Variants in TCOF1 observed in about 807,000 individuals in gnomAD.
The protein encoded by TCOF1 is treacle ribosome biogenesis factor 1.
In TCOF1, 33 loss-of-function variants were observed where a neutral mutation model predicts 149.0. The observed-to-expected ratio is 0.22, with a 90% CI of 0.17 to 0.30. TCOF1 has a LOEUF of 0.30. TCOF1 is among the 10% of genes least tolerant of loss of function. The pLI, the probability that TCOF1 is intolerant of heterozygous loss-of-function variation, is 1.00. For missense variants in TCOF1, 1,728 were observed against 1,840.7 expected (o/e 0.94, Z 1.12); for synonymous variants, 789 against 738.8 (o/e 1.07, Z -1.10).
At chr5:150,383,840 A>G (rs1765735633) in intron 17 of TCOF1, 2 of 1,551,282 alleles carry the variant, frequency 1.3e-6, no homozygotes, top group Non-Finnish European at 1.7e-6. Flanking sequence ...CTTAAGCCAC[A>G]GTCCTGCTCA....
chr5:150,375,587 TC>T (rs113817143), intron 11 of TCOF1, 33 bp downstream of exon 11: 3 of 1,613,070 alleles, frequency 1.9e-6, no homozygotes, highest in Non-Finnish European at 1.7e-6. Context: ...TCTTTCTTTT[TC>T]CCCCCCACTC....
chr5:150,392,177 G>GACT lies in TCOF1; in HGVS notation c.3517+1_3517+2insACT. The stretch of plus-strand genomic sequence containing the variant: ...GGGGCCAAGTCAGCCCACACGCTGG[G>GACT]TGAGGGTGCCAGGGGAAAGGCAAGG... On this transcript the variant is annotated splice_donor_variant, in intron 21 of 26. Transcript: ENST00000643257. LOFTEE classifies it high-confidence loss of function. 3.7e-6 allele frequency: 6 copies of GACT among 1,613,382 alleles called. No homozygotes were observed. Among genetic ancestry groups the GACT allele is most frequent in the Non-Finnish European group, 5.1e-6 (6 of 1,179,486 alleles).
rs1373531019 is a variant in TCOF1, at chr5:150,364,141, G to A, written c.193G>A (p.Ala65Thr). 1 of 1,614,152 alleles carries A rather than the reference G, an allele frequency of 6.2e-7. No homozygotes were observed. Among genetic ancestry groups the A allele is most frequent in the Admixed American group, 1.7e-5 (1 of 60,020 alleles). The change falls in exon 3 of 27, where the codon GCA becomes ACA. Residue 65 changes from alanine to threonine, a missense_variant. Ala to Thr is a moderately conservative substitution (Grantham distance 58). Around this residue, in one of 2 missense-constraint regions of TCOF1, gnomAD observed 1,696 missense variants for 1,765.4 expected, o/e 0.96. Transcript: ENST00000643257. ...CTCAGAGCTTGGTCGGAAGCGGAAG[G>A]CAGAGGAAGATGCGGCACTGCAAGC... ...QTSELGRKRK[A>T]EEDAALQAKK...
intron 4 of TCOF1, chr5:150,368,453 G>A: frequency 1.9e-6 from 1 of 527,566 alleles, no homozygotes; most frequent in South Asian, 2.2e-5. Flanking sequence ...ATGAAGTAAT[G>A]ATAAGATCAA....
In TCOF1 at chr5:150,400,054, T is replaced by A. The variant is rs568821837; in HGVS notation, c.*267T>A. The stretch of plus-strand genomic sequence containing the variant: ...GGACGCTTCATATAGATGTGTACAG[T>A]ATATGTATTTTTTTAAGTGACCTCC... On this transcript the variant is annotated 3_prime_UTR_variant, in exon 27 of 27. Transcript: ENST00000643257. The A allele has an allele frequency of 6.6e-6, 1 of 152,158 alleles. No homozygotes were observed. Among genetic ancestry groups the A allele is most frequent in the African/African-American group, 2.4e-5 (1 of 41,452 alleles). The allele number at this position is 152,158 out of a possible 1,614,324, so 9.4% of individuals were successfully genotyped here.
In TCOF1 at chr5:150,375,724, A is replaced by G. The variant is rs762339373; in HGVS notation, c.1708A>G (p.Lys570Glu). The G allele has an allele frequency of 6.2e-6, 10 of 1,614,146 alleles. No individual in the cohort carries two copies. The highest frequency in any genetic ancestry group is 2.2e-5 in the East Asian group (1 of 44,888). The part of the protein sequence containing the change: ...VPTAVAPAQE[K>E]SLGNILQAKP... ...GATCCTGTGTATCTCACTCCAGGAA[A>G]AGTCCTTGGGGAACATCCTCCAGGC... Residue 570 changes from lysine to glutamate, a missense_variant, in exon 12 of 27, where the codon AAG (lysine) becomes GAG (glutamate). Lys to Glu is a moderately conservative substitution (Grantham distance 56). Coordinates refer to ENST00000643257, the MANE Select transcript of TCOF1 (RefSeq NM_001371623.1).
rs869238792 is a variant in TCOF1, at chr5:150,360,732, CT to C, written c.109-403del. On this transcript the variant is annotated intron_variant, in intron 1 of 26. Transcript: ENST00000643257. ...ATACTTCCCAGAGCAAAAAGACCCT[CT>C]TTTTTTTTTTTTTTTTTTTTAAAGA... 7.6e-3 allele frequency among the ~76,000 whole-genome samples: 974 copies of C among 127,388 alleles called. 4 individuals are homozygous for C. Among genetic ancestry groups the C allele is most frequent in the African/African-American group, 0.017 (590 of 34,432 alleles). 83.6% of individuals were successfully genotyped at this position (127,388 alleles called of 152,430 possible). A position where few individuals can be genotyped will look rare whatever the true frequency, so the allele number is the denominator to read the frequency against.
rs1484507363 is a variant in TCOF1, at chr5:150,374,269, G to T, written c.966G>T (p.Lys322Asn). 6.2e-7 allele frequency: 1 copy of T among 1,603,350 alleles called. No individual in the cohort carries two copies. The highest frequency in any genetic ancestry group is 8.5e-7 in the Non-Finnish European group (1 of 1,174,598). ...GGGCTACCCCAGCACCCCCTGGGAA[G>T]GCAGGGGCTGTAGCCTCCCAGACCA... ...GKGATPAPPG[K>N]AGAVASQTKA... Residue 322 changes from lysine to asparagine, a missense_variant, in exon 8 of 27, where the codon AAG becomes AAT. Coordinates refer to ENST00000643257, the MANE Select transcript of TCOF1 (RefSeq NM_001371623.1).
At chr5:150,391,437 G>T in intron 19 of TCOF1, 107 bp from the exon 20 acceptor site, 1 of 985,744 alleles carries the variant, frequency 1.0e-6, no homozygotes, top group African/African-American at 1.6e-5. Flanking sequence ...CTGCCCCTCA[G>T]TCCCTGCTCC....
Position 150,374,252 on chromosome 5 carries a change from C to T in TCOF1, c.949C>T (p.Pro317Ser). 6.2e-7 allele frequency: 1 copy of T among 1,609,362 alleles called. No individual in the cohort carries two copies. The highest frequency in any genetic ancestry group is 1.3e-5 in the African/African-American group (1 of 74,816). Residue 317 changes from proline to serine, a missense_variant, in exon 8 of 27, where the codon CCA (proline) becomes TCA (serine). Physicochemically the swap from Pro to Ser is moderately conservative, Grantham distance 74. Transcript: ENST00000643257. ...GGGGACCCCTGGGAAAGGGGCTACCCCAGCACCCCCTGGGAAGGCAGGGGC... is the reference window on the plus strand; with the variant it reads ...GGGGACCCCTGGGAAAGGGGCTACCTCAGCACCCCCTGGGAAGGCAGGGGC... Reference protein sequence around the residue: ...AKGTPGKGATPAPPGKAGAVA... With the variant: ...AKGTPGKGATSAPPGKAGAVA...
intron 1 of TCOF1, among the ~76,000 whole-genome samples, chr5:150,359,156 G>C (rs1212013575): frequency 1.3e-5 from 2 of 152,154 alleles, no homozygotes; most frequent in Admixed American, 6.5e-5. Flanking sequence ...AAACCAGCCT[G>C]ACCGACATGG....
chr5:150,357,734 G>C lies in TCOF1; in HGVS notation c.-13G>C. ...GGGGCGTGCAGGTAGCCGGCCGGCC[G>C]GGGGTCGCGGGTATGGCCGAGGCCA... On this transcript the variant is annotated 5_prime_UTR_variant, in exon 1 of 27. Coordinates refer to ENST00000643257, the MANE Select transcript of TCOF1 (RefSeq NM_001371623.1). The C allele has an allele frequency of 3.9e-6, 6 of 1,546,984 alleles. No individual in the cohort carries two copies. The highest frequency in any genetic ancestry group is 5.2e-6 in the Non-Finnish European group (6 of 1,145,672).
Position 150,398,356 on chromosome 5 carries a change from A to G in TCOF1, c.4348A>G (p.Lys1450Glu). Residue 1450 changes from lysine to glutamate, a missense_variant and splice_region_variant, in exon 25 of 27, where the codon AAA becomes GAA. By Grantham distance (56) the Lys-to-Glu change is moderately conservative. Coordinates refer to ENST00000643257, the MANE Select transcript of TCOF1 (RefSeq NM_001371623.1). ...KKEKKKSDKR[K>E]KDKEKKEKKK... ...GAACTTTACTTTACTTCCCTTAGGA[A>G]AAAAAGACAAAGAAAAAAAAGAAAA... 1 of 1,613,756 alleles carries G rather than the reference A, an allele frequency of 6.2e-7. No homozygotes were observed. Among genetic ancestry groups the G allele is most frequent in the Non-Finnish European group, 8.5e-7 (1 of 1,179,944 alleles).
chr5:150,371,299 C>T (rs985531449), intron 6 of TCOF1, among the ~76,000 whole-genome samples: 1 of 152,126 alleles, frequency 6.6e-6, no homozygotes, highest in African/African-American at 2.4e-5. Flanking sequence ...CCCTTGCGCC[C>T]TAGATACCAC....
At chr5:150,376,738 C>T (rs1763898807) in intron 14 of TCOF1, 118 bp downstream of exon 14, 22 of 979,836 alleles carry the variant, frequency 2.2e-5, no homozygotes, top group Non-Finnish European at 6.3e-6. Context: ...CAGAGGTAGC[C>T]TCAACACAGC....
At chr5:150,366,953 C>T (rs187519032) in intron 3 of TCOF1, among the ~76,000 whole-genome samples, 1 of 21,918 alleles carries the variant, frequency 4.6e-5, no homozygotes, top group Admixed American at 2.7e-4. Flanking sequence ...CCGCGCCCGG[C>T]CCAACATTCT....
chr5:150,393,319 T>C, intron 22 of TCOF1, 53 bp from the exon 23 acceptor site: 1 of 1,611,224 alleles, frequency 6.2e-7, no homozygotes, highest in Non-Finnish European at 8.5e-7. Flanking sequence ...TCGGGCTGGG[T>C]TATGGCAGTG....
intron 20 of TCOF1, 96 bp from the exon 21 acceptor site, chr5:150,391,861 C>A: frequency 7.7e-7 from 1 of 1,297,780 alleles, no homozygotes. Context: ...TGTGCCCCAT[C>A]TAACACAGTT....
At position 150,396,667 on chromosome 5, in the gene TCOF1, A is replaced by G; in HGVS notation, c.4170A>G (p.Lys1390=). The G allele has an allele frequency of 1.9e-6, 3 of 1,611,812 alleles. No individual in the cohort carries two copies. The highest frequency in any genetic ancestry group is 2.2e-5 in the South Asian group (2 of 90,694). ...AGACCTCCACGACTTCCAAGGGGAA[A>G]GCAAAGAGAGACAAAGCAAGTGGTG... The part of the protein sequence containing the change: ...PEKTSTTSKG[K]AKRDKASGDV... The change falls in exon 24 of 27, where the codon AAA becomes AAG. Residue 1390 remains lysine, a synonymous_variant. Transcript: ENST00000643257.
Sources: allele counts gnomAD v4.1 joint callset (sites outside exome capture counted in the v4.1 genomes callset), GRCh38; gene constraint gnomAD v4.1.1; regional missense constraint gnomAD v4.1.1; transcripts MANE v1.5; gene names NCBI Gene and HGNC (gene_info 2026-07-23, HGNC 2026-07-21).